Variants in CNTFR observed in about 807,000 individuals in gnomAD.
CNTFR encodes the protein ciliary neurotrophic factor receptor, also known as ciliary neurotrophic factor receptor subunit alpha.
CNTFR carries 12 observed loss-of-function variants against 40.4 expected under a neutral mutation model. That is an observed-to-expected ratio of 0.30 (90% confidence interval 0.19 to 0.48). The LOEUF is 0.48. CNTFR is among the 20% of genes least tolerant of loss of function. CNTFR has a pLI of 0.99. For missense variants in CNTFR, 414 were observed against 506.8 expected (o/e 0.82, Z 1.76); for synonymous variants, 202 against 209.6 (o/e 0.96, Z 0.31).
At chr9:34,564,106 A>C (rs979306549) in intron 4 of CNTFR, among the ~76,000 whole-genome samples, 1 of 152,098 alleles carries the variant, frequency 6.6e-6, no homozygotes, top group Admixed American at 6.5e-5. Context: ...TCGCTTCCCA[A>C]GTCTCCATTC....
rs138063073 is a variant in CNTFR at position 34,562,203 on chromosome 9, C to A, written c.319+2396G>T. ...GTGACCGGTGCCAAGTTGGGTTCATCCTTTTTCCATGGCACTCAGTAAATG... is the reference window on the plus strand; with the variant it reads ...GTGACCGGTGCCAAGTTGGGTTCATACTTTTTCCATGGCACTCAGTAAATG... On this transcript the variant is annotated intron_variant, in intron 4 of 9. Coordinates refer to ENST00000378980, the MANE Select transcript of CNTFR (RefSeq NM_147164.3). Among the ~76,000 whole-genome samples, 156 of 152,288 alleles carry A rather than the reference C, an allele frequency of 1.0e-3. 1 individual carries two copies. Among genetic ancestry groups the A allele is most frequent in the African/African-American group, 3.3e-3 (139 of 41,566 alleles).
At position 34,564,164 on chromosome 9, in the gene CNTFR, C is replaced by T. The variant is rs774761922; in HGVS notation, c.319+435G>A. Among the ~76,000 whole-genome samples, 6 of 152,316 alleles carry T rather than the reference C, an allele frequency of 3.9e-5. No homozygotes were observed. The East Asian group carries it at 5.8e-4, about 15-fold the overall frequency. On this transcript the variant is annotated intron_variant, in intron 4 of 9. Transcript: ENST00000378980. ...CCTCCTTCCCTGGGGCCTCCTGGAG[C>T]GCCTTGCCTGTACCTGCATAACCAC... is the stretch of plus-strand genomic sequence containing the variant.
intron 7 of CNTFR, among the ~76,000 whole-genome samples, chr9:34,553,592 T>A (rs1212300895): frequency 1.3e-5 from 2 of 152,314 alleles, no homozygotes; most frequent in East Asian, 1.9e-4. Flanking sequence ...GGCCTCAGTG[T>A]GGTTATCACC....
chr9:34,590,503 C>G (rs1827731845), upstream of CNTFR, among the ~76,000 whole-genome samples: 1 of 152,230 alleles, frequency 6.6e-6, no homozygotes, highest in Non-Finnish European at 1.5e-5. Flanking sequence ...CCCCCTCGCG[C>G]GGGGGAAAGG....
chr9:34,577,252 A>G (rs1827021134), intron 2 of CNTFR, among the ~76,000 whole-genome samples: 1 of 152,194 alleles, frequency 6.6e-6, no homozygotes, highest in Non-Finnish European at 1.5e-5. Context: ...GCCACTTGCC[A>G]CTCCAGGTGT....
rs1180501074 is a variant in CNTFR, at chr9:34,564,603, C to G, written c.315G>C (p.Val105=). 6.2e-7 allele frequency: 1 copy of G among 1,608,542 alleles called. No individual in the cohort carries two copies. The highest frequency in any genetic ancestry group is 8.5e-7 in the Non-Finnish European group (1 of 1,177,588). ...AGGGGTGGGGGCAACACTTACAGCCCACATGCAGCAGGACTTGGTGGCGCA... is the reference window on the plus strand; with the variant it reads ...AGGGGTGGGGGCAACACTTACAGCCGACATGCAGCAGGACTTGGTGGCGCA... ...WHLRHQVLLH[V]GLPPREPVLS... Residue 105 remains valine, a synonymous_variant, in exon 4 of 10, where the codon GTG becomes GTC. Coordinates refer to ENST00000378980, the MANE Select transcript of CNTFR (RefSeq NM_147164.3).
chr9:34,563,057 CA>C (rs2132154105), intron 4 of CNTFR, among the ~76,000 whole-genome samples: 1 of 152,236 alleles, frequency 6.6e-6, no homozygotes, highest in East Asian at 1.9e-4. Flanking sequence ...TTAATGCTGA[CA>C]ACCCCCCACA....
In CNTFR at chr9:34,552,660, G is replaced by T; in HGVS notation, c.949+14C>A. 6.2e-7 allele frequency: 1 copy of T among 1,611,080 alleles called. No individual in the cohort carries two copies. The highest frequency in any genetic ancestry group is 2.2e-5 in the East Asian group (1 of 44,860). ...GACAGCAAAGCCAGGAGGTAGGGGC[G>T]GGAGCAAGCTCACCCGCAGCCTGGG... On this transcript the variant is annotated intron_variant, in intron 8 of 9. Transcript: ENST00000378980. This position sits in a 1 kb window ranked among gnomAD's most constrained non-coding sequence, Gnocchi z 5.1.
intron 2 of CNTFR, chr9:34,569,473 G>A (rs10972151): frequency 0.5 from 77,311 of 155,934 alleles, 19,966 homozygotes; most frequent in Non-Finnish European, 0.57. Context: ...AACTGAAAGG[G>A]TAATGTTTTA....
At chr9:34,570,898 T>C (rs1163034712) in intron 2 of CNTFR, among the ~76,000 whole-genome samples, 2 of 152,116 alleles carry the variant, frequency 1.3e-5, no homozygotes, top group Non-Finnish European at 2.9e-5. Context: ...CTGCCTGCCT[T>C]TTGCTACCCT....
Position 34,557,775 on chromosome 9 carries a change from C to T in CNTFR, c.438-83G>A. The stretch of plus-strand genomic sequence containing the variant: ...GGTTGAGGAAAGGTCAAGCCCAAGG[C>T]AGGGCTGGGGTATGGACAGAGGGCA... On this transcript the variant is annotated intron_variant, in intron 5 of 9. Transcript: ENST00000378980. The surrounding 1 kb of genome is among the most constrained non-coding windows in gnomAD (Gnocchi z 4.2). 6.3e-7 allele frequency: 1 copy of T among 1,582,140 alleles called. No homozygotes were observed. The highest frequency in any genetic ancestry group is 8.7e-7 in the Non-Finnish European group (1 of 1,154,986).
upstream of CNTFR, among the ~76,000 whole-genome samples, chr9:34,590,416 C>T (rs1827728652): frequency 6.6e-6 from 1 of 152,214 alleles, no homozygotes; most frequent in Non-Finnish European, 1.5e-5. Flanking sequence ...CCAACCCCCA[C>T]TTTGGGCAGA....
At chr9:34,588,865 G>A (rs1827656724) in intron 1 of CNTFR, among the ~76,000 whole-genome samples, 1 of 152,022 alleles carries the variant, frequency 6.6e-6, no homozygotes, top group Admixed American at 6.5e-5. Flanking sequence ...ACCCAGACTG[G>A]CTCACACTGA....
chr9:34,552,166 C>A lies in CNTFR; in HGVS notation c.1113G>T (p.Leu371Phe). The change falls in exon 9 of 10, where the codon TTG becomes TTT. Residue 371 changes from leucine (L) to phenylalanine (F), a missense_variant. Physicochemically the swap from Leu to Phe is conservative, Grantham distance 22. Around this residue, in one of 3 missense-constraint regions of CNTFR, gnomAD observed 81 missense variants for 92.2 expected, o/e 0.88. Transcript: ENST00000378980. The surrounding 1 kb of genome is among the most constrained non-coding windows in gnomAD (Gnocchi z 5.1). ...CCCAGCCTCACTCAACCTACCAGAT[C>A]AAGAGACTGCTGGCAGTGGCGGCAG... ...AAAAATASSL[L>F]I 6.3e-7 allele frequency: 1 copy of A among 1,596,994 alleles called. No homozygotes were observed.
At chr9:34,560,908 T>C (rs1826045200) in intron 4 of CNTFR, among the ~76,000 whole-genome samples, 1 of 152,170 alleles carries the variant, frequency 6.6e-6, no homozygotes. Context: ...AAACCGCATG[T>C]TTTTCCTCTC....
In CNTFR at chr9:34,551,964, A is replaced by C; in HGVS notation, c.*107T>G. The C allele has an allele frequency of 1.3e-6, 1 of 754,992 alleles. No individual in the cohort carries two copies. The highest frequency in any genetic ancestry group is 1.5e-5 in the South Asian group (1 of 68,376). The allele number at this position is 754,992 out of a possible 1,614,324, so 46.8% of individuals were successfully genotyped here. The stretch of plus-strand genomic sequence containing the variant: ...CACAAATTGTGTCTGAAGAGAATGC[A>C]AAAGGTCCTCCTGCCCGTGTGCAAA... On this transcript the variant is annotated 3_prime_UTR_variant, in exon 10 of 10. Transcript: ENST00000378980.
intron 7 of CNTFR, among the ~76,000 whole-genome samples, chr9:34,555,927 C>A (rs1825816099): frequency 7.7e-6 from 1 of 129,902 alleles, no homozygotes; most frequent in Non-Finnish European, 1.6e-5. Context: ...CTGCCATCTC[C>A]CTCCCCCGCC....
chr9:34,562,722 G>C (rs1826121310), intron 4 of CNTFR, among the ~76,000 whole-genome samples: 1 of 152,202 alleles, frequency 6.6e-6, no homozygotes, highest in Non-Finnish European at 1.5e-5. Context: ...CATTGGCTCA[G>C]GAGAAAAGAA....
chr9:34,583,967 T>C (rs1366156510), intron 1 of CNTFR, among the ~76,000 whole-genome samples: 1 of 152,142 alleles, frequency 6.6e-6, no homozygotes, highest in Non-Finnish European at 1.5e-5. Flanking sequence ...CGCAAAGACC[T>C]GGGATTTAGA....
Sources: gnomAD v4.1 joint callset for allele counts (sites outside exome capture counted in the v4.1 genomes callset) on GRCh38, gnomAD v4.1.1 for gene constraint, gnomAD v4.1.1 regional missense constraint, Gnocchi (gnomAD v3.1) non-coding constraint, MANE v1.5 for transcripts, NCBI Gene and HGNC (gene_info 2026-07-23, HGNC 2026-07-21) for gene names.